The following PKNOX1 variants were observed in gnomAD, a reference collection of about 807,000 sequenced individuals.
PKNOX1 encodes the protein homeobox protein PKNOX1.
A neutral mutation model predicts 51.9 loss-of-function variants in PKNOX1; 15 were observed. That is an observed-to-expected ratio of 0.29 (90% CI 0.19 to 0.45). PKNOX1 has a LOEUF of 0.45. Among genes scored for constraint, PKNOX1 ranks in the 20% least tolerant of loss-of-function variants. The pLI is 1.00. For missense variants in PKNOX1, 462 were observed against 547.5 expected (o/e 0.84, Z 1.56); for synonymous variants, 219 against 211.1 (o/e 1.04, Z -0.32).
At chr21:43,018,281 G>C (rs1410291921) in intron 7 of PKNOX1, 51 bp downstream of exon 7, 1 of 1,139,006 alleles carries the variant, frequency 8.8e-7, no homozygotes, top group South Asian at 1.2e-5. Context: ...TGCCCACATA[G>C]GGGCACAGGT....
At chr21:42,978,224 C>T (rs961228284) in intron 1 of PKNOX1, among the ~76,000 whole-genome samples, 7 of 151,866 alleles carry the variant, frequency 4.6e-5, no homozygotes, top group African/African-American at 1.2e-4. Context: ...AGGCTGGTCT[C>T]GAACTCCTGA....
chr21:42,983,340 GTC>G (rs2059036446), intron 1 of PKNOX1, among the ~76,000 whole-genome samples: 1 of 151,950 alleles, frequency 6.6e-6, no homozygotes, highest in Non-Finnish European at 1.5e-5. Flanking sequence ...TCTACTTCCT[GTC>G]TCTGAATTTC....
At chr21:43,012,927 G>C in intron 4 of PKNOX1, 141 bp from the exon 5 acceptor site, 1 of 664,288 alleles carries the variant, frequency 1.5e-6, no homozygotes, top group Non-Finnish European at 2.6e-6. Flanking sequence ...CATCAGTTTA[G>C]AGGATTTCTG....
At chr21:42,981,758 G>A (rs1171572948) in intron 1 of PKNOX1, among the ~76,000 whole-genome samples, 2 of 152,170 alleles carry the variant, frequency 1.3e-5, no homozygotes, top group Non-Finnish European at 2.9e-5. Flanking sequence ...ATTGACGCTG[G>A]AATGATTGGC....
chr21:42,975,541 A>C (rs929157033), intron 1 of PKNOX1, among the ~76,000 whole-genome samples: 1 of 152,260 alleles, frequency 6.6e-6, no homozygotes, highest in Non-Finnish European at 1.5e-5. Flanking sequence ...CACTTAACGA[A>C]AAATGAAGAA....
intron 3 of PKNOX1, among the ~76,000 whole-genome samples, chr21:43,008,792 ATTT>A (rs397774482): frequency 2.0e-5 from 3 of 151,462 alleles, no homozygotes; most frequent in Admixed American, 2.0e-4. Flanking sequence ...AAAAAAAAAA[ATTT>A]TTTTTTAAGT....
intron 1 of PKNOX1, among the ~76,000 whole-genome samples, chr21:42,976,838 A>AT (rs1357524358): frequency 1.2e-4 from 19 of 152,122 alleles, no homozygotes; most frequent in Non-Finnish European, 1.0e-4. Flanking sequence ...AGAATGGCAG[A>AT]TTCTTTCCAG....
intron 1 of PKNOX1, among the ~76,000 whole-genome samples, chr21:42,992,845 T>A (rs1294581186): frequency 7.7e-6 from 1 of 130,570 alleles, no homozygotes; most frequent in Non-Finnish European, 1.6e-5. Context: ...TTCCTCACGG[T>A]ATCGGGGGCT....
chr21:43,029,420 C>CTTTTTT (rs1568906878), intron 10 of PKNOX1, among the ~76,000 whole-genome samples: 2 of 87,504 alleles, frequency 2.3e-5, no homozygotes, highest in African/African-American at 4.2e-5. Context: ...TATTTGTTTG[C>CTTTTTT]TTTGTTTTTT....
chr21:43,004,496 G>T, intron 2 of PKNOX1, 64 bp downstream of exon 2: 1 of 1,061,978 alleles, frequency 9.4e-7, no homozygotes. Context: ...CATGAACATT[G>T]CTTTGTATAC....
intron 1 of PKNOX1, among the ~76,000 whole-genome samples, chr21:42,994,057 G>A (rs1367904439): frequency 1.6e-5 from 2 of 124,028 alleles, no homozygotes; most frequent in Non-Finnish European, 3.3e-5. Context: ...TTTTTTTAAG[G>A]CAAGGCGGGG....
At chr21:42,985,167 C>T (rs1188722522) in intron 1 of PKNOX1, among the ~76,000 whole-genome samples, 1 of 151,300 alleles carries the variant, frequency 6.6e-6, no homozygotes, top group African/African-American at 2.4e-5. Context: ...TTTGTACTTG[C>T]AGTAGAGACA....
At chr21:43,012,692 G>A (rs79201402) in intron 4 of PKNOX1, among the ~76,000 whole-genome samples, 1 of 152,358 alleles carries the variant, frequency 6.6e-6, no homozygotes, top group Admixed American at 6.5e-5. Flanking sequence ...AGCCTAGGGT[G>A]AGTGTGGATG....
intron 10 of PKNOX1, 44 bp from the exon 11 acceptor site, chr21:43,029,846 G>A (rs1568907138): frequency 1.3e-6 from 2 of 1,537,604 alleles, no homozygotes; most frequent in Non-Finnish European, 1.8e-6. Context: ...GTGTTTTTCT[G>A]TGAGTACTAA....
intron 1 of PKNOX1, among the ~76,000 whole-genome samples, chr21:43,002,888 T>C (rs576334303): frequency 4.6e-5 from 7 of 152,136 alleles, no homozygotes; most frequent in African/African-American, 7.2e-5. Flanking sequence ...GGCTAATTTT[T>C]GTATTTTTAG....
chr21:42,988,199 T>C (rs1270155473), intron 1 of PKNOX1, among the ~76,000 whole-genome samples: 1 of 151,966 alleles, frequency 6.6e-6, no homozygotes, highest in Non-Finnish European at 1.5e-5. Context: ...AATAGGCGCG[T>C]GCCACCACAC....
At chr21:43,006,183 G>GTGTGATC (rs1978980707) in intron 2 of PKNOX1, among the ~76,000 whole-genome samples, 1 of 151,978 alleles carries the variant, frequency 6.6e-6, no homozygotes, top group Non-Finnish European at 1.5e-5. Context: ...GAGTGCAGTG[G>GTGTGATC]TGTGATCTCA....
chr21:43,001,700 G>C lies in PKNOX1; in HGVS notation c.-56-2626G>C, dbSNP rs376260112. Among the ~76,000 whole-genome samples the C allele has an allele frequency of 5.3e-5, 8 of 152,168 alleles. No homozygotes were observed. In the South Asian group the frequency reaches 6.2e-4, roughly 12 times the overall value. ...AGTTGGCCGGGCTCAGTGGCTCATG[G>C]CTATAATCCCAGCACTTTGGGAGGC... is the stretch of plus-strand genomic sequence containing the variant. On this transcript the variant is annotated intron_variant, in intron 1 of 10. Transcript: ENST00000291547.
intron 1 of PKNOX1, among the ~76,000 whole-genome samples, chr21:42,989,291 G>A (rs989762547): frequency 2.6e-5 from 4 of 151,550 alleles, no homozygotes; most frequent in African/African-American, 9.7e-5. Flanking sequence ...TCCCCAACCT[G>A]TTTTTTTCAG....
Sources: gnomAD v4.1 joint callset for allele counts (sites outside exome capture counted in the v4.1 genomes callset) on GRCh38, gnomAD v4.1.1 for gene constraint, MANE v1.5 for transcripts, NCBI Gene and HGNC (gene_info 2026-07-23, HGNC 2026-07-21) for gene names.